Variants in CEP95 observed in about 807,000 individuals in gnomAD.
The protein encoded by CEP95 is centrosomal protein of 95 kDa.
A neutral mutation model predicts 111.2 loss-of-function variants in CEP95; 98 were observed. The ratio of observed to expected loss-of-function variants is 0.88; its 90% CI spans 0.75 to 1.04. CEP95 has a LOEUF of 1.04. Among genes scored for constraint, CEP95 ranks in the 50% least tolerant of loss-of-function variants. The probability of loss-of-function intolerance (pLI) is 0.00; values close to 1 mark genes in which losing one functional copy is unlikely to be tolerated. For missense variants in CEP95, 1,027 were observed against 977.2 expected (o/e 1.05, Z -0.68); for synonymous variants, 323 against 327.1 (o/e 0.99, Z 0.14).
At chr17:64,510,136 C>G in intron 2 of CEP95, 37 bp from the exon 3 acceptor site, 1 of 1,279,424 alleles carries the variant, frequency 7.8e-7, no homozygotes, top group Non-Finnish European at 1.1e-6. Context: ...CTTGGCCTCT[C>G]ATGGATACAA....
intron 5 of CEP95, among the ~76,000 whole-genome samples, chr17:64,518,434 A>C (rs1967044713): frequency 6.6e-6 from 1 of 152,232 alleles, no homozygotes; most frequent in Non-Finnish European, 1.5e-5. Flanking sequence ...ACATTTACCA[A>C]CAGTATAGCA....
intron 12 of CEP95, 101 bp from the exon 13 acceptor site, chr17:64,530,825 G>T: frequency 1.6e-6 from 1 of 606,978 alleles, no homozygotes; most frequent in Non-Finnish European, 2.8e-6. Flanking sequence ...TGAAACTCAG[G>T]ATCTCCTGTT....
intron 16 of CEP95, 32 bp from the exon 17 acceptor site, chr17:64,534,553 C>T (rs1016183254): frequency 1.3e-6 from 2 of 1,594,806 alleles, no homozygotes; most frequent in African/African-American, 2.7e-5. Context: ...CTTGTCCTTA[C>T]CCTTCTCTTC....
chr17:64,506,813 C>G (rs1598161900), upstream of CEP95: 3 of 576,916 alleles, frequency 5.2e-6, no homozygotes, highest in East Asian at 2.9e-5. Flanking sequence ...TGTGGACCGT[C>G]CGACCCGCGT....
At chr17:64,514,407 C>T (rs571529808) in intron 4 of CEP95, 49 bp downstream of exon 4, 621 of 802,410 alleles carry the variant, frequency 7.7e-4, no homozygotes, top group Non-Finnish European at 1.2e-3. Flanking sequence ...TATGATGTGT[C>T]CCTTTTGCCT....
intron 1 of CEP95, 155 bp downstream of exon 1, chr17:64,507,271 A>C: frequency 6.7e-7 from 1 of 1,487,298 alleles, no homozygotes. Flanking sequence ...AGGGTCTCTC[A>C]GCTTCACCAC....
In CEP95 at chr17:64,510,379, G is replaced by A. The variant is rs1289100214; in HGVS notation, c.256+99G>A. ...ACTTAACCAAATGAGTGAGCTTATGGAGTAGACCAAATTGTAAGATTGAGC... is the reference window on the plus strand; with the variant it reads ...ACTTAACCAAATGAGTGAGCTTATGAAGTAGACCAAATTGTAAGATTGAGC... On this transcript the variant is annotated intron_variant, in intron 3 of 19. Coordinates refer to ENST00000556440, the MANE Select transcript of CEP95 (RefSeq NM_138363.3). The A allele has an allele frequency of 9.4e-6, 7 of 741,818 alleles. No homozygotes were observed. The African/African-American group carries it at 1.2e-4, about 13-fold the overall frequency. 46.0% of individuals were successfully genotyped at this position (741,818 alleles called of 1,614,324 possible). A position where few individuals can be genotyped will look rare whatever the true frequency, so the allele number is the denominator to read the frequency against.
At chr17:64,509,528 T>TA (rs2038774031) in intron 2 of CEP95, among the ~76,000 whole-genome samples, 1 of 152,046 alleles carries the variant, frequency 6.6e-6, no homozygotes, top group South Asian at 2.1e-4. Flanking sequence ...CTGCTAAAAA[T>TA]ACAAAAATTA....
chr17:64,525,003 C>T (rs1295210955), intron 8 of CEP95, among the ~76,000 whole-genome samples: 4 of 151,786 alleles, frequency 2.6e-5, no homozygotes, highest in Non-Finnish European at 5.9e-5. Flanking sequence ...TTAAATGTTT[C>T]TTCATCACAA....
chr17:64,516,385 C>G (rs782121185), intron 4 of CEP95, among the ~76,000 whole-genome samples: 1 of 152,198 alleles, frequency 6.6e-6, no homozygotes, highest in African/African-American at 2.4e-5. Flanking sequence ...TATGTTGACA[C>G]AATCACGTTT....
chr17:64,524,178 C>G (rs1482031982), intron 8 of CEP95, among the ~76,000 whole-genome samples: 1 of 152,138 alleles, frequency 6.6e-6, no homozygotes, highest in Admixed American at 6.5e-5. Flanking sequence ...TGGTAATACT[C>G]TGTTTCTTGA....
intron 8 of CEP95, among the ~76,000 whole-genome samples, chr17:64,525,312 G>A (rs1967722226): frequency 6.6e-6 from 1 of 151,636 alleles, no homozygotes; most frequent in Non-Finnish European, 1.5e-5. Context: ...GGCAACAGAG[G>A]AAAACTGTCT....
In CEP95 at chr17:64,531,793, AC is replaced by A. The variant is rs774912116; in HGVS notation, c.1540-95del. ...CTGTTAGCTAAAAAACTAAAAAACT[AC>A]CGTTAGCTGTTTTTGTCAGTATGTA... On this transcript the variant is annotated intron_variant, in intron 13 of 19. Transcript: ENST00000556440. 578 of 883,676 alleles carry A rather than the reference AC, an allele frequency of 6.5e-4. 1 individual carries two copies. The highest frequency in any genetic ancestry group is 8.2e-4 in the Non-Finnish European group (520 of 637,452). The allele number at this position is 883,676 out of a possible 1,614,324, so 54.7% of individuals were successfully genotyped here.
rs987511052 is a variant in CEP95 at position 64,506,981 on chromosome 17, C to G, written c.-117C>G. On this transcript the variant is annotated 5_prime_UTR_variant, in exon 1 of 20. Transcript: ENST00000556440. Reference sequence around the variant, plus strand: ...TCCGTCCTTCTTTCACGCCTCCTTCCCCGCGCTTTGGTTCGTGCGTCCGCG... The same window carrying G: ...TCCGTCCTTCTTTCACGCCTCCTTCGCCGCGCTTTGGTTCGTGCGTCCGCG... 1 of 1,182,644 alleles carries G rather than the reference C, an allele frequency of 8.5e-7. No individual in the cohort carries two copies. The highest frequency in any genetic ancestry group is 1.2e-6 in the Non-Finnish European group (1 of 811,784). The allele number at this position is 1,182,644 out of a possible 1,614,324, so 73.3% of individuals were successfully genotyped here. A position where few individuals can be genotyped will look rare whatever the true frequency, so the allele number is the denominator to read the frequency against.
chr17:64,529,603 A>G (rs1487301851), intron 12 of CEP95, among the ~76,000 whole-genome samples, 176 bp downstream of exon 12: 14 of 152,140 alleles, frequency 9.2e-5, no homozygotes, highest in Non-Finnish European at 1.3e-4. Context: ...ATAAAATTAT[A>G]CTCATGAAAC....
At position 64,537,768 on chromosome 17, in the gene CEP95, C is replaced by T. The variant is rs1968757829; in HGVS notation, c.2455C>T (p.Pro819Ser). ...QLASFQYSKS[P>S]SL is the part of the protein sequence containing the mutation. ...GGCTTCCTTTCAGTACAGTAAAAGT[C>T]CCTCCCTATGAGGCCAGACTTGATA... Residue 819 changes from proline (P) to serine (S), a missense_variant, in exon 20 of 20, where the codon CCC becomes TCC. By Grantham distance (74) the Pro-to-Ser change is moderately conservative. Coordinates refer to ENST00000556440, the MANE Select transcript of CEP95 (RefSeq NM_138363.3). 4 of 1,595,298 alleles carry T rather than the reference C, an allele frequency of 2.5e-6. No individual in the cohort carries two copies. The South Asian group carries it at 4.6e-5, about 18-fold the overall frequency.
chr17:64,521,018 C>T (rs1010004923), intron 6 of CEP95, among the ~76,000 whole-genome samples: 4 of 151,970 alleles, frequency 2.6e-5, no homozygotes, highest in Admixed American at 6.6e-5. Context: ...CTGAGGTGGG[C>T]GGATCACCTG....
At chr17:64,517,690 ATTT>A (rs782455302) in intron 5 of CEP95, among the ~76,000 whole-genome samples, 4 of 124,494 alleles carry the variant, frequency 3.2e-5, no homozygotes, top group Admixed American at 8.2e-5. Context: ...CACCTGGCTA[ATTT>A]TTTTTTTTTT....
chr17:64,512,152 G>A (rs1200761641), intron 3 of CEP95, among the ~76,000 whole-genome samples: 3 of 152,180 alleles, frequency 2.0e-5, no homozygotes, highest in African/African-American at 7.2e-5. Flanking sequence ...CGAGAAAAAT[G>A]TAGTACAATT....
Sources: allele counts gnomAD v4.1 joint callset (sites outside exome capture counted in the v4.1 genomes callset), GRCh38; gene constraint gnomAD v4.1.1; transcripts MANE v1.5; gene names NCBI Gene and HGNC (gene_info 2026-07-23, HGNC 2026-07-21).